The following PDE4D variants were observed in gnomAD, a reference collection of about 807,000 sequenced individuals.
The protein encoded by PDE4D is 3',5'-cyclic-AMP phosphodiesterase 4D.
PDE4D carries 24 observed loss-of-function variants against 87.4 expected under a neutral mutation model. The observed-to-expected ratio is 0.27, with a 90% confidence interval of 0.20 to 0.39. The LOEUF is 0.39. PDE4D is among the 10% of genes least tolerant of loss of function. PDE4D has a pLI of 1.00. For missense variants in PDE4D, 714 were observed against 1,041.0 expected (o/e 0.69, Z 4.32); for synonymous variants, 384 against 383.2 (o/e 1.00, Z -0.02).
intron 1 of PDE4D, among the ~76,000 whole-genome samples, chr5:60,424,834 G>C (rs1561240157): frequency 6.6e-6 from 1 of 152,174 alleles, no homozygotes; most frequent in African/African-American, 2.4e-5. Context: ...CTTCAGCGAA[G>C]TCTCAGGATA....
chr5:59,029,660 C>A (rs936304278), intron 6 of PDE4D, among the ~76,000 whole-genome samples: 1 of 150,446 alleles, frequency 6.6e-6, no homozygotes, highest in African/African-American at 2.4e-5. Flanking sequence ...ATTCCAATGT[C>A]TTTTTTTTTC....
intron 1 of PDE4D, among the ~76,000 whole-genome samples, chr5:60,347,688 C>T (rs1299998391): frequency 6.6e-6 from 1 of 152,112 alleles, no homozygotes; most frequent in East Asian, 1.9e-4. Flanking sequence ...CAAGTCTAGA[C>T]AGCTAAAAGC....
chr5:59,250,058 G>C (rs1052517917), intron 1 of PDE4D, among the ~76,000 whole-genome samples: 13 of 151,638 alleles, frequency 8.6e-5, no homozygotes, highest in African/African-American at 2.9e-4. Context: ...TTGCCAGGCT[G>C]GTCTCTATTT....
intron 1 of PDE4D, among the ~76,000 whole-genome samples, chr5:60,513,204 T>C (rs1211273341): frequency 6.6e-6 from 1 of 152,134 alleles, no homozygotes; most frequent in African/African-American, 2.4e-5. Context: ...ATATGTTTCT[T>C]ACAAGAGACA....
intron 1 of PDE4D, among the ~76,000 whole-genome samples, chr5:59,439,615 T>C (rs1020497842): frequency 6.6e-6 from 1 of 152,016 alleles, no homozygotes; most frequent in Non-Finnish European, 1.5e-5. Flanking sequence ...GACATTCCAG[T>C]AGAGATAGGT....
chr5:60,251,766 G>T (rs113189649), intron 1 of PDE4D, among the ~76,000 whole-genome samples: 1 of 151,738 alleles, frequency 6.6e-6, no homozygotes, highest in East Asian at 1.9e-4. Flanking sequence ...TGGTAAAAAA[G>T]ATATTTTTGT....
intron 1 of PDE4D, among the ~76,000 whole-genome samples, chr5:59,719,307 T>C (rs979037413): frequency 3.3e-5 from 5 of 152,132 alleles, no homozygotes; most frequent in African/African-American, 1.2e-4. Flanking sequence ...GCCCTGAATG[T>C]GGAGTTGGGA....
intron 5 of PDE4D, among the ~76,000 whole-genome samples, chr5:59,130,257 C>T (rs1471294560): frequency 6.6e-6 from 1 of 152,162 alleles, no homozygotes. Flanking sequence ...ATTGTCTCTT[C>T]TCCCTGAGAC....
chr5:60,393,862 C>A (rs1404279485), intron 1 of PDE4D, among the ~76,000 whole-genome samples: 2 of 152,154 alleles, frequency 1.3e-5, no homozygotes, highest in Non-Finnish European at 2.9e-5. Context: ...AATAGTTTCA[C>A]AGTAAAACAC....
intron 2 of PDE4D, among the ~76,000 whole-genome samples, chr5:60,092,050 C>CAAAAA (rs66814905): frequency 1.2e-3 from 67 of 56,006 alleles, no homozygotes; most frequent in African/African-American, 1.7e-3. Flanking sequence ...AACTCCGTCT[C>CAAAAA]AAAAAAAAAA....
chr5:59,789,749 T>C (rs1765578331), intron 1 of PDE4D, among the ~76,000 whole-genome samples: 1 of 152,224 alleles, frequency 6.6e-6, no homozygotes, highest in African/African-American at 2.4e-5. Flanking sequence ...GGCTGGCATC[T>C]TTACTTGCTC....
chr5:60,027,904 T>C (rs1189430585), intron 2 of PDE4D, among the ~76,000 whole-genome samples: 1 of 152,222 alleles, frequency 6.6e-6, no homozygotes, highest in Non-Finnish European at 1.5e-5. Flanking sequence ...GTTAAAACTT[T>C]CGTGTCCTCT....
chr5:60,099,144 A>G lies in PDE4D; in HGVS notation c.42+86413T>C, dbSNP rs531651684. Among the ~76,000 whole-genome samples, 6 of 152,062 alleles carry G rather than the reference A, an allele frequency of 3.9e-5. No homozygotes were observed. In the South Asian group the frequency reaches 1.0e-3, roughly 26 times the overall value. Reference sequence around the variant, plus strand: ...ATCATTCCACTCCCTCCTGCCCAGCAAAGTTTCTGCTGAGAAATCTGCTTG... The same window carrying G: ...ATCATTCCACTCCCTCCTGCCCAGCGAAGTTTCTGCTGAGAAATCTGCTTG... On this transcript the variant is annotated intron_variant, in intron 2 of 16. Coordinates refer to the PDE4D transcript ENST00000502484.
rs575941082 is a variant in PDE4D at position 59,921,708 on chromosome 5, A to G, written c.272+66780T>C. On this transcript the variant is annotated intron_variant, in intron 3 of 16. Transcript: ENST00000502484. ...GCATTTTAACCAACAACCTGGGTGAAGATAAGGAAGTCTGGTTTATCAATT... is the reference window on the plus strand; with the variant it reads ...GCATTTTAACCAACAACCTGGGTGAGGATAAGGAAGTCTGGTTTATCAATT... Among the ~76,000 whole-genome samples the G allele has an allele frequency of 3.3e-5, 5 of 152,324 alleles. No homozygotes were observed. The South Asian group carries it at 1.0e-3, about 32-fold the overall frequency.
At chr5:59,057,957 A>C (rs1181295205) in intron 5 of PDE4D, among the ~76,000 whole-genome samples, 1 of 152,228 alleles carries the variant, frequency 6.6e-6, no homozygotes, top group Non-Finnish European at 1.5e-5. Flanking sequence ...TGTTTGATGC[A>C]TGAGAACCAA....
intron 5 of PDE4D, among the ~76,000 whole-genome samples, chr5:59,151,869 A>G (rs1373421222): frequency 6.6e-6 from 1 of 152,170 alleles, no homozygotes; most frequent in Non-Finnish European, 1.5e-5. Context: ...GGAGATTTAG[A>G]CAAAGAATGG....
At chr5:59,881,188 A>T (rs1375723359) in intron 1 of PDE4D, among the ~76,000 whole-genome samples, 1 of 152,196 alleles carries the variant, frequency 6.6e-6, no homozygotes, top group East Asian at 1.9e-4. Flanking sequence ...AGATGCCAAT[A>T]ACAGGAGTAG....
intron 1 of PDE4D, among the ~76,000 whole-genome samples, chr5:59,503,325 A>C (rs1004270307): frequency 2.6e-5 from 4 of 152,180 alleles, no homozygotes; most frequent in African/African-American, 9.7e-5. Flanking sequence ...AAATTAGTAA[A>C]ATAACTTCAT....
intron 1 of PDE4D, among the ~76,000 whole-genome samples, chr5:60,194,306 AAC>A (rs1740955989): frequency 6.6e-6 from 1 of 151,710 alleles, no homozygotes; most frequent in Non-Finnish European, 1.5e-5. Context: ...ATCTGACTAG[AAC>A]TCTCTGCTAT....
Sources: gnomAD v4.1 joint callset for allele counts (sites outside exome capture counted in the v4.1 genomes callset) on GRCh38, gnomAD v4.1.1 for gene constraint, MANE v1.5 for transcripts, NCBI Gene and HGNC (gene_info 2026-07-23, HGNC 2026-07-21) for gene names.